KIAA0825: variants seen among roughly 807,000 people sequenced by gnomAD.
The protein encoded by KIAA0825 is KIAA0825.
A neutral mutation model predicts 147.6 loss-of-function variants in KIAA0825; 119 were observed. That is an observed-to-expected ratio of 0.81 (90% CI 0.69 to 0.94). The LOEUF is 0.94. Among genes scored for constraint, KIAA0825 ranks in the 40% least tolerant of loss-of-function variants. The pLI is 0.00. For missense variants in KIAA0825, 1,381 were observed against 1,472.7 expected (o/e 0.94, Z 1.02); for synonymous variants, 470 against 518.1 (o/e 0.91, Z 1.26).
intron 20 of KIAA0825, among the ~76,000 whole-genome samples, chr5:94,251,797 C>G (rs1775978472): frequency 2.6e-5 from 4 of 151,628 alleles, no homozygotes; most frequent in African/African-American, 9.7e-5. Context: ...TACAGTGCAC[C>G]AACTGTATTT....
In KIAA0825 at chr5:94,604,560, AAAACAAACAAAC is replaced by A. The variant is rs368530098; in HGVS notation, c.-153+13928_-153+13939del. Among the ~76,000 whole-genome samples, 3 of 151,968 alleles carry A rather than the reference AAAACAAACAAAC, an allele frequency of 2.0e-5. No homozygotes were observed. The East Asian group carries it at 5.8e-4, about 29-fold the overall frequency. ...GGCGACAGAATGAGACTCCATCTCA[AAAACAAACAAAC>A]AAACAAACAAACAAACAAAAAACAC... is the stretch of plus-strand genomic sequence containing the variant. On this transcript the variant is annotated intron_variant, in intron 1 of 20. Transcript: ENST00000682413.
At chr5:94,221,899 G>C (rs1209696561) in intron 20 of KIAA0825, among the ~76,000 whole-genome samples, 2 of 152,158 alleles carry the variant, frequency 1.3e-5, no homozygotes, top group Non-Finnish European at 2.9e-5. Context: ...TAAGATGTTT[G>C]TGGCTTGTTA....
chr5:94,419,896 G>T (rs1234152493), intron 14 of KIAA0825, among the ~76,000 whole-genome samples: 1 of 152,078 alleles, frequency 6.6e-6, no homozygotes, highest in African/African-American at 2.4e-5. Flanking sequence ...TCTCAGTTAG[G>T]ATGATAAATT....
chr5:94,412,855 A>C (rs957502274), intron 15 of KIAA0825: 2 of 152,120 alleles, frequency 1.3e-5, no homozygotes, highest in Non-Finnish European at 2.9e-5. Flanking sequence ...TTTTTCAATC[A>C]AATGTGGATT....
intron 2 of KIAA0825, among the ~76,000 whole-genome samples, chr5:94,564,673 G>A (rs890744873): frequency 6.6e-5 from 10 of 151,564 alleles, no homozygotes; most frequent in Non-Finnish European, 1.2e-4. Context: ...CAAAATGCTG[G>A]GATTACAGGC....
intron 14 of KIAA0825, among the ~76,000 whole-genome samples, chr5:94,422,636 C>T (rs745963343): frequency 6.6e-6 from 1 of 152,122 alleles, no homozygotes; most frequent in Non-Finnish European, 1.5e-5. Context: ...AAATAAAGGT[C>T]TAACTCCCGT....
At chr5:94,602,543 T>A (rs915393933) in intron 1 of KIAA0825, among the ~76,000 whole-genome samples, 3 of 152,120 alleles carry the variant, frequency 2.0e-5, no homozygotes, top group Non-Finnish European at 4.4e-5. Flanking sequence ...CTCTGGGAAG[T>A]AATTGAATCA....
chr5:94,453,601 T>C (rs1472388183), intron 12 of KIAA0825, among the ~76,000 whole-genome samples: 1 of 152,094 alleles, frequency 6.6e-6, no homozygotes, highest in Non-Finnish European at 1.5e-5. Context: ...CAAGTCAGCA[T>C]AGACATGAAA....
At chr5:94,415,735 T>C (rs544283244) in intron 15 of KIAA0825, 39 of 152,282 alleles carry the variant, frequency 2.6e-4, no homozygotes, top group Admixed American at 4.6e-4. Context: ...TGTCTGACCA[T>C]GTAGGGGAGG....
intron 2 of KIAA0825, among the ~76,000 whole-genome samples, chr5:94,564,214 G>GTTTT (rs545943328): frequency 1.0e-4 from 11 of 105,192 alleles, no homozygotes; most frequent in Admixed American, 1.1e-4. Context: ...TATTCCCCTT[G>GTTTT]TTTTTTTTTT....
At chr5:94,448,635 C>T (rs991363552) in intron 13 of KIAA0825, among the ~76,000 whole-genome samples, 9 of 152,136 alleles carry the variant, frequency 5.9e-5, no homozygotes, top group Admixed American at 5.2e-4. Flanking sequence ...TTCCCTTTTA[C>T]CAAAAGATAG....
intron 20 of KIAA0825, among the ~76,000 whole-genome samples, chr5:94,356,143 GC>G (rs778708070): frequency 2.6e-5 from 4 of 152,040 alleles, no homozygotes; most frequent in Non-Finnish European, 5.9e-5. Context: ...TGCTTGATGA[GC>G]ACCAATGTAC....
rs575962316 is a variant in KIAA0825, at chr5:94,243,059, G to T, written c.3711-88935C>A. 2.2e-3 allele frequency among the ~76,000 whole-genome samples: 338 copies of T among 152,268 alleles called. 2 individuals carry two copies. Among genetic ancestry groups the T allele is most frequent in the African/African-American group, 8.0e-3 (332 of 41,548 alleles). ...ACACTTACTAGCTGTGTGATTGTGG[G>T]CAAGTTATAGAAACAACGGAAGCCT... On this transcript the variant is annotated intron_variant, in intron 20 of 20. Transcript: ENST00000682413.
intron 14 of KIAA0825, among the ~76,000 whole-genome samples, chr5:94,438,466 C>G (rs1756653966): frequency 6.6e-6 from 1 of 152,084 alleles, no homozygotes; most frequent in African/African-American, 2.4e-5. Flanking sequence ...TTCAGATAAA[C>G]TTTGTGAGAT....
At chr5:94,419,296 ATAATT>A (rs1208422304) in intron 14 of KIAA0825, among the ~76,000 whole-genome samples, 1 of 152,196 alleles carries the variant, frequency 6.6e-6, no homozygotes, top group African/African-American at 2.4e-5. Flanking sequence ...CCAGGCTTTC[ATAATT>A]TAATATTTTA....
intron 20 of KIAA0825, among the ~76,000 whole-genome samples, chr5:94,295,988 G>A (rs1272727233): frequency 6.6e-6 from 1 of 152,192 alleles, no homozygotes; most frequent in African/African-American, 2.4e-5. Flanking sequence ...AGGGCTGGCA[G>A]GCAAGTACAT....
intron 20 of KIAA0825, among the ~76,000 whole-genome samples, chr5:94,318,670 C>G (rs1033600629): frequency 6.6e-6 from 1 of 151,868 alleles, no homozygotes; most frequent in African/African-American, 2.4e-5. Flanking sequence ...AAGAAACAGA[C>G]TCAACAGATC....
At chr5:94,604,325 G>A (rs1787075071) in intron 1 of KIAA0825, among the ~76,000 whole-genome samples, 1 of 152,226 alleles carries the variant, frequency 6.6e-6, no homozygotes, top group African/African-American at 2.4e-5. Flanking sequence ...GCCAAGATGG[G>A]TGGATCTCCT....
intron 15 of KIAA0825, chr5:94,415,877 A>G (rs1753391650): frequency 6.6e-6 from 1 of 152,220 alleles, no homozygotes; most frequent in Admixed American, 6.5e-5. Context: ...AGTGTCAAAG[A>G]TGGTTCAAGA....
Sources: gnomAD v4.1 joint callset for allele counts (sites outside exome capture counted in the v4.1 genomes callset) on GRCh38, gnomAD v4.1.1 for gene constraint, MANE v1.5 for transcripts, NCBI Gene and HGNC (gene_info 2026-07-23, HGNC 2026-07-21) for gene names.